SLC44A2: variants seen among roughly 807,000 people sequenced by gnomAD.
The protein encoded by SLC44A2 is solute carrier family 44 member 2 (CTL2 blood group).
In SLC44A2, 57 loss-of-function variants were observed where a neutral mutation model predicts 90.8. The observed-to-expected ratio is 0.63, with a 90% CI of 0.51 to 0.78. SLC44A2 has a LOEUF of 0.78. SLC44A2 is among the 30% of genes least tolerant of loss of function. The pLI is 0.00. For missense variants in SLC44A2, 794 were observed against 919.7 expected, an observed-to-expected ratio of 0.86 and a Z score of 1.77; for synonymous variants, 355 against 360.7, an observed-to-expected ratio of 0.98 and a Z score of 0.18.
intron 21 of SLC44A2, 117 bp downstream of exon 21, chr19:10,642,568 G>A: frequency 3.0e-6 from 3 of 996,674 alleles, no homozygotes; most frequent in South Asian, 2.7e-5. Flanking sequence ...CCCAGGGCTT[G>A]GCTGTCCCTC....
At chr19:10,629,667 T>C (rs1454845194) in intron 4 of SLC44A2, among the ~76,000 whole-genome samples, 2 of 151,984 alleles carry the variant, frequency 1.3e-5, no homozygotes, top group Non-Finnish European at 2.9e-5. Context: ...AGCCTGGAAC[T>C]CCTGGGCTTA....
At position 10,631,077 on chromosome 19, in the gene SLC44A2, A is replaced by G. The variant is rs1812446238; in HGVS notation, c.266A>G (p.Tyr89Cys). ...TKNENKPYLF[Y>C]FNIVKCASPL... ...TCCAGGAACAAACCCTATCTGTTTT[A>G]TTTCAACATTGTGAAATGTGCCAGC... is the stretch of plus-strand genomic sequence containing the variant. Residue 89 changes from tyrosine to cysteine, a missense_variant, in exon 5 of 22, where the codon TAT (tyrosine) becomes TGT (cysteine). This residue lies in a region of SLC44A2 where 738 missense variants were observed against 841.1 expected (regional missense o/e 0.88). Coordinates refer to ENST00000335757, the MANE Select transcript of SLC44A2 (RefSeq NM_020428.4). 1 of 1,613,124 alleles carries G rather than the reference A, an allele frequency of 6.2e-7. No homozygotes were observed.
upstream of SLC44A2, among the ~76,000 whole-genome samples, chr19:10,624,750 G>T (rs890005571): frequency 3.3e-5 from 5 of 152,236 alleles, no homozygotes; most frequent in Non-Finnish European, 5.9e-5. Flanking sequence ...AGGAGGATGT[G>T]GGCTCCACAA....
intron 1 of SLC44A2, among the ~76,000 whole-genome samples, chr19:10,626,002 A>T (rs536106326): frequency 6.6e-6 from 1 of 151,900 alleles, no homozygotes; most frequent in Admixed American, 6.6e-5. Context: ...CCCTCTTCCC[A>T]GTGGGTGGCC....
Position 10,636,397 on chromosome 19 carries a change from G to T in SLC44A2, c.1308G>T (p.Ser436=). 6.2e-7 allele frequency: 1 copy of T among 1,613,772 alleles called. No individual in the cohort carries two copies. The highest frequency in any genetic ancestry group is 8.5e-7 in the Non-Finnish European group (1 of 1,179,982). The change falls in exon 15 of 22, where the codon TCG becomes TCT. Residue 436 remains serine, a synonymous_variant. Transcript: ENST00000335757. ...RCQFAFYGGE[S]GYHRALLGLQ... is the part of the protein sequence containing the mutation. ...AGTTCGCCTTCTACGGTGGTGAGTC[G>T]GGCTACCACCGGGCCCTGCTGGGCC...
At chr19:10,622,721 C>G (rs563060002), upstream of SLC44A2, among the ~76,000 whole-genome samples, 3 of 151,680 alleles carry the variant, frequency 2.0e-5, no homozygotes, top group Admixed American at 6.6e-5. Context: ...GGCAACATTG[C>G]GAGACCCTGT....
intron 10 of SLC44A2, among the ~76,000 whole-genome samples, chr19:10,633,386 C>T (rs1021925505): frequency 1.1e-4 from 17 of 151,706 alleles, no homozygotes; most frequent in African/African-American, 2.4e-4. Flanking sequence ...AGGCTGGTCT[C>T]GACTTCCTCG....
intron 1 of SLC44A2, among the ~76,000 whole-genome samples, chr19:10,612,761 C>G (rs2144812519): frequency 6.6e-6 from 1 of 152,362 alleles, no homozygotes; most frequent in South Asian, 2.1e-4. Flanking sequence ...GGTGGGTCAG[C>G]CGTCACAGCC....
intron 1 of SLC44A2, among the ~76,000 whole-genome samples, chr19:10,612,193 C>T (rs1404495711): frequency 1.3e-5 from 2 of 151,706 alleles, no homozygotes; most frequent in African/African-American, 4.9e-5. Flanking sequence ...CATAGTGAGA[C>T]CCTGTTTCTG....
At chr19:10,632,813 C>T (rs2067011950) in intron 10 of SLC44A2, among the ~76,000 whole-genome samples, 1 of 151,662 alleles carries the variant, frequency 6.6e-6, no homozygotes. Context: ...GCTGGGATTA[C>T]AGGCATGCAC....
intron 2 of SLC44A2, 43 bp downstream of exon 2, chr19:10,626,344 C>G: frequency 2.1e-6 from 3 of 1,412,552 alleles, no homozygotes; most frequent in East Asian, 4.6e-5. Flanking sequence ...GCTAATACTA[C>G]CCCAATCCCT....
chr19:10,627,656 G>A, intron 2 of SLC44A2, 66 bp from the exon 3 acceptor site: 1 of 1,554,576 alleles, frequency 6.4e-7, no homozygotes, highest in East Asian at 2.2e-5. Context: ...TGTTTGCAGA[G>A]GGCAGATGGG....
intron 20 of SLC44A2, chr19:10,641,161 G>C (rs1354908401): frequency 1.4e-5 from 5 of 367,598 alleles, no homozygotes; most frequent in Non-Finnish European, 2.7e-5. Flanking sequence ...GGGAGGCCGA[G>C]GCAGGCAGAT....
rs373433498 is a variant in SLC44A2 at position 10,635,590 on chromosome 19, C to G, written c.1233+75C>G. On this transcript the variant is annotated intron_variant, in intron 14 of 21. Coordinates refer to ENST00000335757, the MANE Select transcript of SLC44A2 (RefSeq NM_020428.4). Reference sequence around the variant, plus strand: ...GATGATTTGAAACCTCTCATGTCCACTTGGAGGTTCAGCAAACAATTGGCC... The same window carrying G: ...GATGATTTGAAACCTCTCATGTCCAGTTGGAGGTTCAGCAAACAATTGGCC... 142 of 1,332,532 alleles carry G rather than the reference C, an allele frequency of 1.1e-4. No homozygotes were observed. In the African/African-American group the frequency reaches 1.9e-3, roughly 18 times the overall value. 82.5% of individuals were successfully genotyped at this position (1,332,532 alleles called of 1,614,324 possible).
upstream of SLC44A2, among the ~76,000 whole-genome samples, chr19:10,620,811 C>G (rs2066890159): frequency 6.6e-6 from 1 of 152,098 alleles, no homozygotes; most frequent in Non-Finnish European, 1.5e-5. Context: ...GGGAGGAAGG[C>G]TTGAGCCCAT....
At chr19:10,622,053 C>A (rs1256149175), upstream of SLC44A2, among the ~76,000 whole-genome samples, 1 of 152,200 alleles carries the variant, frequency 6.6e-6, no homozygotes, top group Non-Finnish European at 1.5e-5. Flanking sequence ...TGAGCCACCA[C>A]GCCTTGCCAA....
upstream of SLC44A2, among the ~76,000 whole-genome samples, chr19:10,621,845 G>C (rs902904997): frequency 3.3e-5 from 5 of 152,166 alleles, no homozygotes; most frequent in African/African-American, 1.2e-4. Context: ...TGGAACTCCC[G>C]ACCTCAGGTG....
chr19:10,640,172 C>A (rs1349760791), intron 20 of SLC44A2, among the ~76,000 whole-genome samples: 1 of 150,502 alleles, frequency 6.6e-6, no homozygotes, highest in East Asian at 2.0e-4. Context: ...CTCACCACAA[C>A]CTCCACCTCC....
intron 16 of SLC44A2, chr19:10,637,003 T>A (rs1568454408): frequency 3.8e-6 from 2 of 521,716 alleles, no homozygotes; most frequent in Non-Finnish European, 3.4e-6. Flanking sequence ...GGCCCACCAT[T>A]GGTTATTACC....
Sources: gnomAD v4.1 joint callset for allele counts (sites outside exome capture counted in the v4.1 genomes callset) on GRCh38, gnomAD v4.1.1 for gene constraint, gnomAD v4.1.1 regional missense constraint, MANE v1.5 for transcripts, NCBI Gene and HGNC (gene_info 2026-07-23, HGNC 2026-07-21) for gene names.